Variants in CRACR2B observed in about 807,000 individuals in gnomAD.
The protein encoded by CRACR2B is calcium release activated channel regulator 2B.
A neutral mutation model predicts 46.0 loss-of-function variants in CRACR2B; 50 were observed. That is an observed-to-expected ratio of 1.09 (90% CI 0.87 to 1.38). The LOEUF is 1.38. CRACR2B is among the 40% of genes most tolerant of loss of function. CRACR2B has a pLI of 0.00. For synonymous variants in CRACR2B, 277 were observed against 239.6 expected, an observed-to-expected ratio of 1.16 and a Z score of -1.44; for missense variants, 667 against 535.0, an observed-to-expected ratio of 1.25 and a Z score of -2.43.
Position 828,552 on chromosome 11 carries a change from C to G in CRACR2B, c.-56C>G. The G allele has an allele frequency of 6.6e-7, 1 of 1,521,832 alleles. No homozygotes were observed. The highest frequency in any genetic ancestry group is 8.7e-7 in the Non-Finnish European group (1 of 1,143,288). 94.3% of individuals were successfully genotyped at this position (1,521,832 alleles called of 1,614,324 possible). On this transcript the variant is annotated 5_prime_UTR_variant, in exon 1 of 9. Coordinates refer to ENST00000525077, the MANE Select transcript of CRACR2B (RefSeq NM_001286606.2). ...CATCCGCTCCCCTCCTGAATTTCTT[C>G]TGACCCTCCCTTGGCTTCACAGCAC...
intron 3 of CRACR2B, 157 bp downstream of exon 3, chr11:829,697 C>T: frequency 9.5e-7 from 1 of 1,050,060 alleles, no homozygotes; most frequent in Non-Finnish European, 1.3e-6. Flanking sequence ...AGGGACCCGG[C>T]ATGATTTCCC....
In CRACR2B at chr11:830,310, G is replaced by A. The variant is rs1187433849; in HGVS notation, c.666G>A (p.Arg222=). 3 of 1,534,492 alleles carry A rather than the reference G, an allele frequency of 2.0e-6. No individual in the cohort carries two copies. Among genetic ancestry groups the A allele is most frequent in the Non-Finnish European group, 2.6e-6 (3 of 1,143,622 alleles). ...TGTACGAGGAGACGGAGCAGCTTCG[G>A]GAGCAGAGCCGGCGCCCGCCGAGTC... ...RALYEETEQL[R]EQSRRPPSQN... The change falls in exon 5 of 9, where the codon CGG becomes CGA. Residue 222 remains arginine, a synonymous_variant. Transcript: ENST00000525077.
At position 830,146 on chromosome 11, in the gene CRACR2B, T is replaced by TG. The variant is rs1846278087; in HGVS notation, c.605+18dup. 4 of 1,522,098 alleles carry TG rather than the reference T, an allele frequency of 2.6e-6. No individual in the cohort carries two copies. The African/African-American group carries it at 5.5e-5, about 21-fold the overall frequency. The allele number at this position is 1,522,098 out of a possible 1,614,324, so 94.3% of individuals were successfully genotyped here. ...GGCGCTGCGGAGGTGAGGGCCGGGG[T>TG]GGGGTATGGGGGCCAATGGAGGGCC... On this transcript the variant is annotated intron_variant, in intron 4 of 8. Coordinates refer to ENST00000525077, the MANE Select transcript of CRACR2B (RefSeq NM_001286606.2).
chr11:828,212 C>A lies in CRACR2B; in HGVS notation c.-396C>A. The A allele has an allele frequency of 4.7e-6, 1 of 213,838 alleles. No individual in the cohort carries two copies. The highest frequency in any genetic ancestry group is 6.7e-5 in the South Asian group (1 of 14,858). 13.2% of individuals were successfully genotyped at this position (213,838 alleles called of 1,614,324 possible). A position where few individuals can be genotyped will look rare whatever the true frequency, so the allele number is the denominator to read the frequency against. On this transcript the variant is annotated 5_prime_UTR_variant, in exon 1 of 9. Coordinates refer to ENST00000525077, the MANE Select transcript of CRACR2B (RefSeq NM_001286606.2). ...TGAGGGGCTCCTCCCTCACTGACCC[C>A]AAGCCTGCTCCTCTCAGCTTTCAGG...
chr11:831,385 C>A, intron 8 of CRACR2B, 90 bp downstream of exon 8: 1 of 1,505,544 alleles, frequency 6.6e-7, no homozygotes, highest in Non-Finnish European at 8.9e-7. Flanking sequence ...CGCTCTACTC[C>A]ATTGGAAGTC....
Position 830,280 on chromosome 11 carries a change from C to G in CRACR2B, c.636C>G (p.Arg212=), listed in dbSNP as rs528014428. ...AGAGCGAGCACGAGAGGGAGGTGCG[C>G]GCTCTGTACGAGGAGACGGAGCAGC... ...RRESEHEREV[R]ALYEETEQLR... The change falls in exon 5 of 9, where the codon CGC becomes CGG. Residue 212 remains arginine, a synonymous_variant. Transcript: ENST00000525077. The G allele has an allele frequency of 3.3e-6, 5 of 1,525,206 alleles. No homozygotes were observed. The allele number at this position is 1,525,206 out of a possible 1,614,324, so 94.5% of individuals were successfully genotyped here. A position where few individuals can be genotyped will look rare whatever the true frequency, so the allele number is the denominator to read the frequency against.
intron 8 of CRACR2B, 67 bp from the exon 9 acceptor site, chr11:831,468 C>A: frequency 1.3e-6 from 2 of 1,502,354 alleles, no homozygotes; most frequent in Non-Finnish European, 1.8e-6. Context: ...TGAGGGGAGT[C>A]GGAGCTCACC....
rs773400186 is a variant in CRACR2B at position 828,557 on chromosome 11, C to G, written c.-51C>G. The G allele has an allele frequency of 2.0e-6, 3 of 1,532,070 alleles. No homozygotes were observed. In the South Asian group the frequency reaches 3.7e-5, roughly 19 times the overall value. 94.9% of individuals were successfully genotyped at this position (1,532,070 alleles called of 1,614,324 possible). A position where few individuals can be genotyped will look rare whatever the true frequency, so the allele number is the denominator to read the frequency against. On this transcript the variant is annotated 5_prime_UTR_variant, in exon 1 of 9. Transcript: ENST00000525077. Reference sequence around the variant, plus strand: ...GCTCCCCTCCTGAATTTCTTCTGACCCTCCCTTGGCTTCACAGCACCTGAA... The same window carrying G: ...GCTCCCCTCCTGAATTTCTTCTGACGCTCCCTTGGCTTCACAGCACCTGAA...
intron 8 of CRACR2B, 113 bp from the exon 9 acceptor site, chr11:831,422 C>A: frequency 6.8e-7 from 1 of 1,477,466 alleles, no homozygotes; most frequent in Non-Finnish European, 9.0e-7. Context: ...TTTCACCCCT[C>A]ACGCTGCAGC....
In CRACR2B at chr11:828,053, T is replaced by TGGGCAGGA. The variant is rs1404639195; in HGVS notation, c.-551_-544dup. On this transcript the variant is annotated 5_prime_UTR_variant, in exon 1 of 9. Coordinates refer to ENST00000525077, the MANE Select transcript of CRACR2B (RefSeq NM_001286606.2). ...TCAGTTGTGGGGAGGGAGGGGCCGG[T>TGGGCAGGA]GGGCAGGAGGGAGAAGTCTGCCCTG... Among the ~76,000 whole-genome samples, 1 of 151,990 alleles carries TGGGCAGGA rather than the reference T, an allele frequency of 6.6e-6. No individual in the cohort carries two copies. Among genetic ancestry groups the TGGGCAGGA allele is most frequent in the Non-Finnish European group, 1.5e-5 (1 of 67,966 alleles).
chr11:830,476 A>AC, intron 5 of CRACR2B, 139 bp downstream of exon 5: 1 of 1,536,674 alleles, frequency 6.5e-7, no homozygotes. Context: ...AGGAGATCCC[A>AC]CTGGGCCTCA....
rs1846069859 is a variant in CRACR2B, at chr11:828,400, C to T, written c.-208C>T. 1.7e-6 allele frequency: 1 copy of T among 591,438 alleles called. No individual in the cohort carries two copies. The highest frequency in any genetic ancestry group is 2.9e-6 in the Non-Finnish European group (1 of 348,974). The allele number at this position is 591,438 out of a possible 1,614,324, so 36.6% of individuals were successfully genotyped here. On this transcript the variant is annotated 5_prime_UTR_variant, in exon 1 of 9. Transcript: ENST00000525077. ...ACAGGCCCTGAGCCTACATCAACCA[C>T]CCCAGTGACACCCCAAGCCTGCAGC...
Position 828,323 on chromosome 11 carries a change from C to T in CRACR2B, c.-285C>T. The T allele has an allele frequency of 2.4e-6, 1 of 416,070 alleles. No individual in the cohort carries two copies. Among genetic ancestry groups the T allele is most frequent in the South Asian group, 3.8e-5 (1 of 26,486 alleles). 25.8% of individuals were successfully genotyped at this position (416,070 alleles called of 1,614,324 possible). On this transcript the variant is annotated 5_prime_UTR_variant, in exon 1 of 9. Coordinates refer to ENST00000525077, the MANE Select transcript of CRACR2B (RefSeq NM_001286606.2). ...GCTCCTCCTCTCCTGAAGTTGGCAG[C>T]CCCTCCTGGGTTCCAGCCTCCTGAG...
chr11:830,025 C>T lies in CRACR2B; in HGVS notation c.498C>T (p.Arg166=), dbSNP rs1846261180. ...GGACGCTCTGGGCCAGGCTGCAGCG[C>T]GAGCGCCCCGAGCTGCTGGGCTCTT... ...AVRTLWARLQ[R]ERPELLGSFE... Residue 166 remains arginine, a synonymous_variant, in exon 4 of 9, where the codon CGC becomes CGT. Transcript: ENST00000525077. The T allele has an allele frequency of 6.4e-7, 1 of 1,569,004 alleles. No homozygotes were observed. Among genetic ancestry groups the T allele is most frequent in the Non-Finnish European group, 8.6e-7 (1 of 1,163,276 alleles).
In CRACR2B at chr11:830,033, C is replaced by A. The variant is rs866144535; in HGVS notation, c.506C>A (p.Pro169His). The change falls in exon 4 of 9, where the codon CCC (proline) becomes CAC (histidine). Residue 169 changes from proline (P) to histidine (H), a missense_variant. Pro to His is a moderately conservative substitution (Grantham distance 77). Transcript: ENST00000525077. ...TLWARLQRER[P>H]ELLGSFEDVL... ...TGGGCCAGGCTGCAGCGCGAGCGCCCCGAGCTGCTGGGCTCTTTCGAGGAT... is the reference window on the plus strand; with the variant it reads ...TGGGCCAGGCTGCAGCGCGAGCGCCACGAGCTGCTGGGCTCTTTCGAGGAT... 1 of 1,569,202 alleles carries A rather than the reference C, an allele frequency of 6.4e-7. No individual in the cohort carries two copies. Among genetic ancestry groups the A allele is most frequent in the East Asian group, 2.3e-5 (1 of 42,910 alleles).
rs570060552 is a variant in CRACR2B, at chr11:829,357, C to G, written c.278-3C>G. On this transcript the variant is annotated splice_region_variant and splice_polypyrimidine_tract_variant and intron_variant, in intron 2 of 8. Coordinates refer to ENST00000525077, the MANE Select transcript of CRACR2B (RefSeq NM_001286606.2). ...CTGGTAATCGCTCGCTCCATGCCCG[C>G]AGGGATGTTTGTGGGGGTGGCGTCA... 1.1e-5 allele frequency: 17 copies of G among 1,603,918 alleles called. No homozygotes were observed. The highest frequency in any genetic ancestry group is 1.4e-5 in the Non-Finnish European group (17 of 1,177,010).
intron 2 of CRACR2B, 31 bp downstream of exon 2, chr11:828,994 C>T (rs757077556): frequency 1.3e-6 from 2 of 1,598,632 alleles, no homozygotes; most frequent in South Asian, 1.1e-5. Flanking sequence ...TCCCCCACTG[C>T]CCAGAGCTGG....
rs754435568 is a variant in CRACR2B, at chr11:831,036, C to T, written c.953+4C>T. On this transcript the variant is annotated splice_donor_region_variant and intron_variant, in intron 7 of 8. Transcript: ENST00000525077. Reference sequence around the variant, plus strand: ...GCCGCCAGGAGCAAACCCAACGGTGCCGTGGGACGGGGCTGGGCGGGCCCC... The same window carrying T: ...GCCGCCAGGAGCAAACCCAACGGTGTCGTGGGACGGGGCTGGGCGGGCCCC... 27 of 1,535,202 alleles carry T rather than the reference C, an allele frequency of 1.8e-5. No homozygotes were observed. The South Asian group carries it at 3.1e-4, about 18-fold the overall frequency.
chr11:831,897 C>T lies in CRACR2B; in HGVS notation c.*188C>T. On this transcript the variant is annotated 3_prime_UTR_variant, in exon 9 of 9. Transcript: ENST00000525077. ...GGAGTGGCCAGGGTCCCGTGTGTGC[C>T]CTCTGCCAGTCTTCGCTCTGTCCCC... The T allele has an allele frequency of 1.7e-6, 1 of 605,414 alleles. No homozygotes were observed. Among genetic ancestry groups the T allele is most frequent in the South Asian group, 2.6e-5 (1 of 39,082 alleles). 37.5% of individuals were successfully genotyped at this position (605,414 alleles called of 1,614,324 possible). A position where few individuals can be genotyped will look rare whatever the true frequency, so the allele number is the denominator to read the frequency against.
Sources: allele counts gnomAD v4.1 joint callset (sites outside exome capture counted in the v4.1 genomes callset), GRCh38; gene constraint gnomAD v4.1.1; transcripts MANE v1.5; gene names NCBI Gene and HGNC (gene_info 2026-07-23, HGNC 2026-07-21).